Variants in RBFOX1 observed in about 807,000 individuals in gnomAD.
The protein encoded by RBFOX1 is RNA binding fox-1 homolog 1, also known as RNA binding protein fox-1 homolog 1.
Under a neutral mutation model 57.7 loss-of-function variants are expected in RBFOX1, and 8 were observed. That is an observed-to-expected ratio of 0.14 (90% confidence interval 0.08 to 0.25). The LOEUF is 0.25. RBFOX1 is among the 10% of genes least tolerant of loss of function. The pLI, the probability that RBFOX1 is intolerant of heterozygous loss-of-function variation, is 1.00. For synonymous variants in RBFOX1, 326 were observed against 222.4 expected, an observed-to-expected ratio of 1.47 and a Z score of -4.15; for missense variants, 611 against 548.5, an observed-to-expected ratio of 1.11 and a Z score of -1.14.
At chr16:5,856,193 A>ATATATATATATACATATATATG (rs2057034690) in intron 3 of RBFOX1, among the ~76,000 whole-genome samples, 3 of 58,060 alleles carry the variant, frequency 5.2e-5, no homozygotes, top group African/African-American at 1.7e-4. Flanking sequence ...CTCTCTATAT[A>ATATATATATATACATATATATG]TATATATATA....
At chr16:6,751,098 G>C (rs949865316) in intron 3 of RBFOX1, among the ~76,000 whole-genome samples, 1 of 152,160 alleles carries the variant, frequency 6.6e-6, no homozygotes, top group Non-Finnish European at 1.5e-5. Context: ...CAGTGGAGGG[G>C]TAGGACATAG....
intron 1 of RBFOX1, among the ~76,000 whole-genome samples, chr16:5,347,971 C>G (rs376423793): frequency 3.0e-4 from 44 of 147,048 alleles, no homozygotes; most frequent in African/African-American, 8.6e-4. Context: ...CACTCCCCAC[C>G]AACCCATCGA....
rs373997948 is a variant in RBFOX1 at position 5,682,813 on chromosome 16, C to T, written c.318+83852C>T. ...CTTGAATTTTCCTCACCAGAACTGGCAGTCTGATATGTGAAATGTATTGCT... is the reference window on the plus strand; with the variant it reads ...CTTGAATTTTCCTCACCAGAACTGGTAGTCTGATATGTGAAATGTATTGCT... On this transcript the variant is annotated intron_variant, in intron 3 of 19. Transcript: ENST00000641259. 2.0e-4 allele frequency among the ~76,000 whole-genome samples: 30 copies of T among 152,316 alleles called. 1 individual carries two copies. The South Asian group carries it at 6.2e-3, about 32-fold the overall frequency.
chr16:6,984,086 A>G (rs1464892049), intron 3 of RBFOX1, among the ~76,000 whole-genome samples: 1 of 152,136 alleles, frequency 6.6e-6, no homozygotes, highest in South Asian at 2.1e-4. Flanking sequence ...TGTCTCTACT[A>G]AAAATACGAA....
intron 4 of RBFOX1, among the ~76,000 whole-genome samples, chr16:7,514,606 G>C (rs2075944109): frequency 6.6e-6 from 1 of 152,146 alleles, no homozygotes; most frequent in Non-Finnish European, 1.5e-5. Flanking sequence ...CCTGCTGGAG[G>C]AGGGACTCTT....
At chr16:7,250,003 A>G (rs778329137) in intron 4 of RBFOX1, among the ~76,000 whole-genome samples, 2 of 152,160 alleles carry the variant, frequency 1.3e-5, no homozygotes, top group Non-Finnish European at 2.9e-5. Context: ...TCCAATTGCC[A>G]TTTTTATAAA....
chr16:7,126,568 C>T (rs1049846946), intron 4 of RBFOX1: 16 of 202,788 alleles, frequency 7.9e-5, no homozygotes, highest in Admixed American at 1.8e-4. Flanking sequence ...GGGCACAGTT[C>T]GTGCAGCAAA....
chr16:7,146,906 G>A (rs1001173874), intron 4 of RBFOX1, among the ~76,000 whole-genome samples: 27 of 145,582 alleles, frequency 1.9e-4, no homozygotes, highest in Admixed American at 1.3e-3. Flanking sequence ...CCATGTTTGC[G>A]CCATTATACT....
intron 3 of RBFOX1, among the ~76,000 whole-genome samples, chr16:5,758,212 A>C (rs2053467428): frequency 6.6e-6 from 1 of 152,210 alleles, no homozygotes; most frequent in South Asian, 2.1e-4. Context: ...TGATGCTATT[A>C]ATCCTACATG....
At chr16:6,935,122 T>C (rs1404047877) in intron 3 of RBFOX1, among the ~76,000 whole-genome samples, 1 of 152,096 alleles carries the variant, frequency 6.6e-6, no homozygotes, top group Non-Finnish European at 1.5e-5. Flanking sequence ...AAACAGCTTA[T>C]TTAACCTATT....
rs543051466 is a variant in RBFOX1, at chr16:6,814,253, G to GC, written c.-16+159603_-16+159604insC. ...TAACACAGAGAGAAAATTGTGGTGG[G>GC]GGGGAGGGAGGAGGTCTAAGAGAGT... On this transcript the variant is annotated intron_variant, in intron 3 of 15. Transcript: ENST00000550418. 1.1e-3 allele frequency among the ~76,000 whole-genome samples: 157 copies of GC among 142,556 alleles called. 1 individual carries two copies. Among genetic ancestry groups the GC allele is most frequent in the African/African-American group, 3.8e-3 (150 of 39,706 alleles). The allele number at this position is 142,556 out of a possible 152,430, so 93.5% of individuals were successfully genotyped here. A position where few individuals can be genotyped will look rare whatever the true frequency, so the allele number is the denominator to read the frequency against.
intron 1 of RBFOX1, among the ~76,000 whole-genome samples, chr16:5,307,401 T>G (rs2063966277): frequency 6.6e-6 from 1 of 152,134 alleles, no homozygotes; most frequent in Non-Finnish European, 1.5e-5. Context: ...CATTTAAAAA[T>G]AATCACAAAG....
intron 3 of RBFOX1, among the ~76,000 whole-genome samples, chr16:5,607,482 G>A (rs2047626744): frequency 6.6e-6 from 1 of 152,172 alleles, no homozygotes; most frequent in African/African-American, 2.4e-5. Context: ...TAATCTCTGA[G>A]GATGGCTGTG....
chr16:6,220,444 T>C (rs1401648542), intron 1 of RBFOX1, among the ~76,000 whole-genome samples: 1 of 152,210 alleles, frequency 6.6e-6, no homozygotes, highest in East Asian at 1.9e-4. Flanking sequence ...GGAATTATAC[T>C]TGGTAATAGC....
chr16:7,138,113 A>C (rs1453139148), intron 4 of RBFOX1, among the ~76,000 whole-genome samples: 1 of 152,164 alleles, frequency 6.6e-6, no homozygotes. Context: ...TATCACAGCC[A>C]AATCATACAG....
At chr16:5,871,139 G>A (rs1348288045) in intron 4 of RBFOX1, among the ~76,000 whole-genome samples, 3 of 152,184 alleles carry the variant, frequency 2.0e-5, no homozygotes, top group Non-Finnish European at 4.4e-5. Context: ...ACCACACACA[G>A]TTTTAATAAG....
intron 1 of RBFOX1, among the ~76,000 whole-genome samples, chr16:6,241,566 C>G (rs2097540190): frequency 6.6e-6 from 1 of 152,188 alleles, no homozygotes. Context: ...GTAAAGTCTA[C>G]ATTCCTGGCT....
At chr16:7,496,145 T>C (rs945592361) in intron 4 of RBFOX1, among the ~76,000 whole-genome samples, 9 of 152,130 alleles carry the variant, frequency 5.9e-5, no homozygotes, top group African/African-American at 1.9e-4. Context: ...CTTTTTATTT[T>C]ATTTTGTTTT....
At chr16:7,480,836 T>A (rs374943468) in intron 4 of RBFOX1, among the ~76,000 whole-genome samples, 2 of 152,164 alleles carry the variant, frequency 1.3e-5, no homozygotes, top group South Asian at 4.1e-4. Flanking sequence ...CAGCTGGGAA[T>A]TGAAACAGCC....
Sources: gnomAD v4.1 joint callset for allele counts (sites outside exome capture counted in the v4.1 genomes callset) on GRCh38, gnomAD v4.1.1 for gene constraint, MANE v1.5 for transcripts, NCBI Gene and HGNC (gene_info 2026-07-23, HGNC 2026-07-21) for gene names.